Variants in AAMDC observed in about 807,000 individuals in gnomAD.
The protein encoded by AAMDC is adipogenesis associated Mth938 domain containing.
AAMDC carries 16 observed loss-of-function variants against 15.5 expected under a neutral mutation model. The observed-to-expected ratio is 1.03, with a 90% CI of 0.70 to 1.57. The LOEUF (loss-of-function observed/expected upper bound fraction) is 1.57, where lower values mean the gene tolerates loss of function less well. Among genes scored for constraint, AAMDC ranks in the 40% most tolerant of loss-of-function variants. The pLI is 0.00. For synonymous variants in AAMDC, 51 were observed against 51.6 expected (o/e 0.99, Z 0.05); for missense variants, 141 against 144.9 (o/e 0.97, Z 0.14).
intron 3 of AAMDC, among the ~76,000 whole-genome samples, chr11:77,871,398 G>T (rs1951423855): frequency 6.6e-6 from 1 of 152,156 alleles, no homozygotes; most frequent in African/African-American, 2.4e-5. Context: ...CACTATTCTA[G>T]AAACTGGTGA....
intron 3 of AAMDC, among the ~76,000 whole-genome samples, chr11:77,870,987 C>T (rs1183908540): frequency 6.6e-6 from 1 of 152,056 alleles, no homozygotes; most frequent in Admixed American, 6.6e-5. Flanking sequence ...GATGAAGGTG[C>T]CCCTTACATC....
intron 1 of AAMDC, among the ~76,000 whole-genome samples, chr11:77,824,293 G>A (rs1211887381): frequency 6.6e-6 from 1 of 152,176 alleles, no homozygotes; most frequent in East Asian, 1.9e-4. Context: ...AAAAAGAGTA[G>A]CTATTTTTAA....
At chr11:77,897,919 C>G (rs191724174) in intron 5 of AAMDC, among the ~76,000 whole-genome samples, 6 of 152,170 alleles carry the variant, frequency 3.9e-5, no homozygotes, top group African/African-American at 1.4e-4. Context: ...AGGGATCCTC[C>G]CACCTCAGCC....
At chr11:77,897,372 T>G (rs1952569596) in intron 5 of AAMDC, among the ~76,000 whole-genome samples, 1 of 151,136 alleles carries the variant, frequency 6.6e-6, no homozygotes, top group Non-Finnish European at 1.5e-5. Context: ...AAATTAAAAA[T>G]AAAAATAAAG....
In AAMDC at chr11:77,878,811, T is replaced by C. The variant is rs1010554176; in HGVS notation, c.328+1762T>C. The C allele has an allele frequency of 1.2e-5, 9 of 761,954 alleles. No individual in the cohort carries two copies. The African/African-American group carries it at 1.6e-4, about 13-fold the overall frequency. The allele number at this position is 761,954 out of a possible 1,614,324, so 47.2% of individuals were successfully genotyped here. ...TAATGAAGAAACAATTTATCCTGTG[T>C]TTGATACCAGATGAGACTGTAAGGG... On this transcript the variant is annotated intron_variant, in intron 5 of 5. Transcript: ENST00000304716.
rs566781671 is a variant in AAMDC, at chr11:77,832,484, G to A, written c.-18-9995G>A. On this transcript the variant is annotated intron_variant, in intron 1 of 3. Coordinates refer to ENST00000393427, the MANE Select transcript of AAMDC (RefSeq NM_024684.4). The stretch of plus-strand genomic sequence containing the variant: ...TGGGATTACAGGCATGCGCCACCAT[G>A]CCCACCTAATTTTGTATTTTTAGCA... Among the ~76,000 whole-genome samples the A allele has an allele frequency of 2.0e-5, 3 of 152,054 alleles. No homozygotes were observed. In the South Asian group the frequency reaches 6.2e-4, roughly 32 times the overall value.
In AAMDC at chr11:77,883,914, G is replaced by C; in HGVS notation, c.328+6865G>C. On this transcript the variant is annotated intron_variant, in intron 5 of 5. Coordinates refer to the AAMDC transcript ENST00000304716. ...CAGGATTCCGGAAGTCTGCAGGCTT[G>C]GGGTGAATCATCTGAGCCTGGCCAT... The C allele has an allele frequency of 1.9e-6, 3 of 1,613,182 alleles. 1 individual carries two copies. The South Asian group carries it at 3.3e-5, about 18-fold the overall frequency.
intron 1 of AAMDC, among the ~76,000 whole-genome samples, chr11:77,830,281 T>C (rs1949361319): frequency 6.6e-6 from 1 of 152,218 alleles, no homozygotes; most frequent in Admixed American, 6.5e-5. Context: ...CTGGAGGCTA[T>C]ATGATCAAAC....
At chr11:77,876,525 G>A (rs951975905), downstream of AAMDC, among the ~76,000 whole-genome samples, 1 of 151,762 alleles carries the variant, frequency 6.6e-6, no homozygotes, top group African/African-American at 2.4e-5. Context: ...GCCCAACCCC[G>A]ATACGATACT....
intron 2 of AAMDC, among the ~76,000 whole-genome samples, chr11:77,862,050 G>A (rs1468525582): frequency 6.6e-6 from 1 of 152,106 alleles, no homozygotes; most frequent in African/African-American, 2.4e-5. Context: ...GTGTTATAGT[G>A]GACATAATTG....
intron 2 of AAMDC, chr11:77,850,781 C>T (rs1254413583): frequency 2.1e-5 from 1 of 47,366 alleles, no homozygotes; most frequent in East Asian, 4.9e-4. Flanking sequence ...CACATACACA[C>T]ACATACACAC....
chr11:77,901,404 C>T (rs770389967), downstream of AAMDC: 2 of 1,613,678 alleles, frequency 1.2e-6, no homozygotes, highest in Non-Finnish European at 1.7e-6. Flanking sequence ...CATATTTTGG[C>T]CAACCCCACA....
chr11:77,863,022 G>A (rs1950948310), intron 2 of AAMDC, among the ~76,000 whole-genome samples: 1 of 152,188 alleles, frequency 6.6e-6, no homozygotes, highest in African/African-American at 2.4e-5. Context: ...CTCCTAATGT[G>A]GTGGTGGGCC....
intron 5 of AAMDC, among the ~76,000 whole-genome samples, chr11:77,879,491 A>G (rs1351868518): frequency 6.6e-6 from 1 of 152,306 alleles, no homozygotes; most frequent in African/African-American, 2.4e-5. Context: ...TCTGATACCC[A>G]GTTGGGCTCT....
intron 1 of AAMDC, 59 bp from the exon 2 acceptor site, chr11:77,842,420 T>A: frequency 6.6e-7 from 1 of 1,508,006 alleles, no homozygotes; most frequent in East Asian, 2.3e-5. Context: ...TCACTGTATT[T>A]TCAAACTGTT....
At chr11:77,897,876 A>G (rs2136425284) in intron 5 of AAMDC, among the ~76,000 whole-genome samples, 1 of 152,186 alleles carries the variant, frequency 6.6e-6, no homozygotes, top group African/African-American at 2.4e-5. Context: ...TAGCATGATC[A>G]TAGCTCATTG....
intron 2 of AAMDC, among the ~76,000 whole-genome samples, chr11:77,844,735 G>A (rs1483340813): frequency 1.3e-5 from 2 of 152,008 alleles, no homozygotes; most frequent in African/African-American, 4.8e-5. Flanking sequence ...TAGGGATTTT[G>A]TTTTGTTGTT....
chr11:77,863,185 T>C (rs528686995), intron 2 of AAMDC, among the ~76,000 whole-genome samples: 2 of 152,204 alleles, frequency 1.3e-5, no homozygotes, highest in South Asian at 4.1e-4. Flanking sequence ...CAGTGACTAG[T>C]GTTCAGCTTG....
chr11:77,833,009 ATTT>A (rs781247642), intron 1 of AAMDC, among the ~76,000 whole-genome samples: 9 of 60,032 alleles, frequency 1.5e-4, no homozygotes, highest in Non-Finnish European at 2.1e-4. Context: ...ATATATATAT[ATTT>A]TTTTTTTTTT....
Sources: allele counts gnomAD v4.1 joint callset (sites outside exome capture counted in the v4.1 genomes callset), GRCh38; gene constraint gnomAD v4.1.1; transcripts MANE v1.5; gene names NCBI Gene and HGNC (gene_info 2026-07-23, HGNC 2026-07-21).